Variants in TRPM3 observed in about 807,000 individuals in gnomAD.
TRPM3 encodes the protein long transient receptor potential channel 3.
In TRPM3, 77 loss-of-function variants were observed where a neutral mutation model predicts 181.2. That is an observed-to-expected ratio of 0.42 (90% CI 0.35 to 0.51). The LOEUF is 0.51. Among genes scored for constraint, TRPM3 ranks in the 20% least tolerant of loss-of-function variants. The probability of loss-of-function intolerance (pLI) is 0.01; values close to 1 mark genes in which losing one functional copy is unlikely to be tolerated. For synonymous variants in TRPM3, 745 were observed against 796.4 expected (o/e 0.94, Z 1.09); for missense variants, 1,759 against 2,196.7 (o/e 0.80, Z 3.98).
chr9:70,638,898 A>T, intron 11 of TRPM3, 162 bp downstream of exon 11: 1 of 786,130 alleles, frequency 1.3e-6, no homozygotes, highest in East Asian at 2.7e-5. Context: ...AATCTTGGTG[A>T]CTTGGTGTTT....
chr9:71,186,658 ATG>A (rs1233236203), intron 1 of TRPM3, among the ~76,000 whole-genome samples: 2 of 152,102 alleles, frequency 1.3e-5, no homozygotes, highest in Non-Finnish European at 2.9e-5. Context: ...TTTTATGAAA[ATG>A]TGTGAGATTA....
chr9:71,339,161 T>C (rs992504947), intron 1 of TRPM3, among the ~76,000 whole-genome samples: 30 of 151,982 alleles, frequency 2.0e-4, no homozygotes, highest in Non-Finnish European at 5.9e-5. Flanking sequence ...TGAACAAAAT[T>C]ATAAAAATAT....
At chr9:70,765,910 T>G (rs2087683401) in intron 7 of TRPM3, among the ~76,000 whole-genome samples, 1 of 152,220 alleles carries the variant, frequency 6.6e-6, no homozygotes, top group Admixed American at 6.5e-5. Flanking sequence ...GAATATTGAT[T>G]GAAAATTTCT....
intron 1 of TRPM3, among the ~76,000 whole-genome samples, chr9:70,923,913 TATAC>T (rs2096690477): frequency 1.9e-5 from 2 of 107,228 alleles, no homozygotes; most frequent in South Asian, 6.3e-4. Flanking sequence ...CACACACATA[TATAC>T]ATATATACAC....
chr9:71,372,195 A>T (rs928309774), intron 1 of TRPM3, among the ~76,000 whole-genome samples: 1 of 152,158 alleles, frequency 6.6e-6, no homozygotes, highest in Non-Finnish European at 1.5e-5. Context: ...TCCATTATAT[A>T]TATGTATTAA....
At chr9:71,164,670 G>A (rs775811202) in intron 1 of TRPM3, among the ~76,000 whole-genome samples, 3 of 152,020 alleles carry the variant, frequency 2.0e-5, no homozygotes, top group African/African-American at 4.8e-5. Context: ...TCATTGTTCC[G>A]ATTGGAACTT....
chr9:71,060,074 A>T (rs1736734300), intron 1 of TRPM3, among the ~76,000 whole-genome samples: 1 of 152,092 alleles, frequency 6.6e-6, no homozygotes, highest in South Asian at 2.1e-4. Flanking sequence ...CTTGCTCTGT[A>T]TTGCCCAAGA....
intron 8 of TRPM3, among the ~76,000 whole-genome samples, chr9:70,698,038 A>G (rs906732265): frequency 4.0e-5 from 6 of 151,634 alleles, no homozygotes; most frequent in Admixed American, 3.9e-4. Context: ...TGAAACCCCG[A>G]CTCTACTAAA....
chr9:70,846,566 T>A lies in TRPM3; in HGVS notation c.488A>T (p.Lys163Ile). The change falls in exon 4 of 26, where the codon AAA (lysine) becomes ATA (isoleucine). Residue 163 changes from lysine (K) to isoleucine (I), a missense_variant. Lys to Ile is a moderately radical substitution (Grantham distance 102). Coordinates refer to ENST00000677713, the MANE Select transcript of TRPM3 (RefSeq NM_001366145.2). ...CATCAGGTGTAAGAGGAGATCAGGT[T>A]TTGTATCAAAAGATACTCGCACATA... The part of the protein sequence containing the change: ...AMYVRVSFDT[K>I]PDLLLHLMTK... 1 of 1,614,158 alleles carries A rather than the reference T, an allele frequency of 6.2e-7. No individual in the cohort carries two copies. The highest frequency in any genetic ancestry group is 2.2e-5 in the East Asian group (1 of 44,886).
intron 1 of TRPM3, among the ~76,000 whole-genome samples, chr9:71,180,782 C>T (rs1201920499): frequency 6.6e-6 from 1 of 151,894 alleles, no homozygotes; most frequent in Non-Finnish European, 1.5e-5. Flanking sequence ...TTTTTTGACC[C>T]CAGTTAAATC....
intron 9 of TRPM3, among the ~76,000 whole-genome samples, chr9:70,653,677 CAAAA>C (rs71507003): frequency 3.9e-5 from 4 of 103,142 alleles, no homozygotes; most frequent in Admixed American, 1.1e-4. Context: ...CTTCCTGTCT[CAAAA>C]AAAAAAAAAA....
intron 1 of TRPM3, among the ~76,000 whole-genome samples, chr9:71,267,686 T>C (rs2083484092): frequency 1.3e-5 from 2 of 152,222 alleles, no homozygotes; most frequent in Admixed American, 6.5e-5. Flanking sequence ...TTTTGTGTGA[T>C]TATTAATTAT....
intron 1 of TRPM3, among the ~76,000 whole-genome samples, chr9:70,947,387 T>A (rs897341506): frequency 6.6e-6 from 1 of 152,200 alleles, no homozygotes; most frequent in African/African-American, 2.4e-5. Flanking sequence ...CCACTTTTTG[T>A]TTTTAAGAAC....
intron 6 of TRPM3, among the ~76,000 whole-genome samples, chr9:70,805,155 G>C (rs1175680249): frequency 6.7e-6 from 1 of 149,326 alleles, no homozygotes; most frequent in East Asian, 2.0e-4. Context: ...GAGAGAAGGA[G>C]CATGATCATG....
At chr9:70,743,498 T>C (rs994228165) in intron 8 of TRPM3, among the ~76,000 whole-genome samples, 3 of 152,138 alleles carry the variant, frequency 2.0e-5, no homozygotes, top group Admixed American at 6.6e-5. Context: ...TCCTATGCAA[T>C]CAGTGATAGC....
chr9:70,628,067 A>C (rs2064992654), intron 12 of TRPM3, among the ~76,000 whole-genome samples: 1 of 152,182 alleles, frequency 6.6e-6, no homozygotes, highest in Non-Finnish European at 1.5e-5. Flanking sequence ...AAATAGTACT[A>C]ATGCAACCAC....
intron 1 of TRPM3, among the ~76,000 whole-genome samples, chr9:71,247,353 C>A (rs1240588486): frequency 7.3e-3 from 603 of 82,230 alleles, no homozygotes; most frequent in African/African-American, 0.011. Context: ...GACTCTGTCT[C>A]AAAAAAAAAA....
intron 6 of TRPM3, among the ~76,000 whole-genome samples, chr9:70,791,599 C>T (rs1049046395): frequency 6.6e-6 from 1 of 152,176 alleles, no homozygotes; most frequent in African/African-American, 2.4e-5. Context: ...AATAACAATA[C>T]TCCAGAATAA....
chr9:71,212,036 GGGAAGACA>G (rs1240980931), intron 1 of TRPM3, among the ~76,000 whole-genome samples: 11 of 152,190 alleles, frequency 7.2e-5, no homozygotes, highest in African/African-American at 2.7e-4. Flanking sequence ...GAGCTTAGCT[GGGAAGACA>G]GGGAGGTGGA....
Sources: gnomAD v4.1 joint callset for allele counts (sites outside exome capture counted in the v4.1 genomes callset) on GRCh38, gnomAD v4.1.1 for gene constraint, MANE v1.5 for transcripts, NCBI Gene and HGNC (gene_info 2026-07-23, HGNC 2026-07-21) for gene names.